ADCY5: variants seen among roughly 807,000 people sequenced by gnomAD.
ADCY5 encodes the protein adenylate cyclase 5, also known as adenylate cyclase type 5.
ADCY5 carries 30 observed loss-of-function variants against 119.7 expected under a neutral mutation model. That is an observed-to-expected ratio of 0.25 (90% CI 0.19 to 0.34). ADCY5 has a LOEUF of 0.34. Ranked by LOEUF, ADCY5 falls within the 10% of genes least tolerant of loss-of-function variation. The pLI, the probability that ADCY5 is intolerant of heterozygous loss-of-function variation, is 1.00. For synonymous variants in ADCY5, 753 were observed against 762.2 expected (o/e 0.99, Z 0.20); for missense variants, 1,324 against 1,775.2 (o/e 0.75, Z 4.57).
intron 1 of ADCY5, among the ~76,000 whole-genome samples, chr3:123,362,661 C>T (rs1454048089): frequency 6.6e-6 from 1 of 152,162 alleles, no homozygotes; most frequent in African/African-American, 2.4e-5. Context: ...TCTAGGACTC[C>T]AGATCTGGTG....
At chr3:123,431,736 C>T (rs548519561) in intron 1 of ADCY5, among the ~76,000 whole-genome samples, 1 of 152,172 alleles carries the variant, frequency 6.6e-6, no homozygotes, top group African/African-American at 2.4e-5. Flanking sequence ...GGTTTTTATA[C>T]CAACCACCAA....
Position 123,330,960 on chromosome 3 carries a change from C to G in ADCY5, c.1575G>C (p.Gly525=), listed in dbSNP as rs1357696194. The G allele has an allele frequency of 6.2e-7, 1 of 1,614,078 alleles. No individual in the cohort carries two copies. Among genetic ancestry groups the G allele is most frequent in the Non-Finnish European group, 8.5e-7 (1 of 1,179,966 alleles). ...CGTGGTCAGCCCTTGCTTCAGGCAG[C>G]CCCGAGACGCAGTAATAACAATCCC... ...ILGDCYYCVS[G]LPEARADHAH... Residue 525 remains glycine (G), a synonymous_variant, in exon 5 of 21, where the codon GGG becomes GGC. Coordinates refer to ENST00000462833, the MANE Select transcript of ADCY5 (RefSeq NM_183357.3).
At chr3:123,422,575 T>C (rs1282600378) in intron 1 of ADCY5, among the ~76,000 whole-genome samples, 1 of 152,138 alleles carries the variant, frequency 6.6e-6, no homozygotes, top group East Asian at 1.9e-4. Context: ...GCACCTACCA[T>C]TAAACCACAC....
At chr3:123,323,102 C>G (rs1284504268) in intron 8 of ADCY5, among the ~76,000 whole-genome samples, 1 of 152,230 alleles carries the variant, frequency 6.6e-6, no homozygotes, top group East Asian at 1.9e-4. Context: ...GGAGTGGGTC[C>G]CAGAGGCTGT....
At position 123,319,722 on chromosome 3, in the gene ADCY5, G is replaced by A. The variant is rs755243569; in HGVS notation, c.2208C>T (p.His736=). ...ARSIDRLRSE[H]VRKFLLTFRE... Reference sequence around the variant, plus strand: ...TGAAGGTCAGGAGGAACTTGCGGACGTGCTCAGACCGAAGCCTATCAATGC... The same window carrying A: ...TGAAGGTCAGGAGGAACTTGCGGACATGCTCAGACCGAAGCCTATCAATGC... Residue 736 remains histidine, a synonymous_variant, in exon 10 of 21, where the codon CAC becomes CAT. Transcript: ENST00000462833. The A allele has an allele frequency of 4.3e-6, 7 of 1,614,122 alleles. No homozygotes were observed. Among genetic ancestry groups the A allele is most frequent in the East Asian group, 2.2e-5 (1 of 44,904 alleles).
At chr3:123,323,721 G>A (rs901791917) in intron 8 of ADCY5, among the ~76,000 whole-genome samples, 28 of 152,018 alleles carry the variant, frequency 1.8e-4, no homozygotes, top group African/African-American at 5.3e-4. Flanking sequence ...GTGCAGTGGC[G>A]TGATCATGGC....
At chr3:123,358,125 C>G (rs1020752947) in intron 1 of ADCY5, among the ~76,000 whole-genome samples, 2 of 151,294 alleles carry the variant, frequency 1.3e-5, no homozygotes, top group Admixed American at 6.6e-5. Context: ...CTGTGCTGGC[C>G]TCACGGGACA....
At chr3:123,376,024 A>G (rs949857633) in intron 1 of ADCY5, among the ~76,000 whole-genome samples, 14 of 150,280 alleles carry the variant, frequency 9.3e-5, no homozygotes, top group Non-Finnish European at 2.1e-4. Context: ...TGTGTGCAGT[A>G]GCCCTGAAAG....
intron 1 of ADCY5, among the ~76,000 whole-genome samples, chr3:123,369,069 T>A (rs35841686): frequency 0.23 from 34,287 of 152,046 alleles, 4,073 homozygotes; most frequent in Admixed American, 0.29. Context: ...AATCCTCAAA[T>A]TCACAGGTCA....
At chr3:123,309,374 C>T (rs1029002097) in intron 12 of ADCY5, among the ~76,000 whole-genome samples, 26 of 152,332 alleles carry the variant, frequency 1.7e-4, no homozygotes, top group Non-Finnish European at 3.2e-4. Flanking sequence ...CACGCCAGTG[C>T]TCTCATCACT....
chr3:123,308,761 G>A (rs1026055815), intron 12 of ADCY5, among the ~76,000 whole-genome samples: 16 of 152,262 alleles, frequency 1.1e-4, no homozygotes, highest in African/African-American at 3.9e-4. Context: ...CCCGGGAGGC[G>A]GAGCTTGCAG....
intron 7 of ADCY5, among the ~76,000 whole-genome samples, chr3:123,326,299 A>ATCTG (rs375570863): frequency 6.6e-6 from 1 of 152,194 alleles, no homozygotes; most frequent in Admixed American, 6.5e-5. Flanking sequence ...GATCTCATCT[A>ATCTG]TCTGTCTGTC....
At chr3:123,436,034 G>A (rs919476055) in intron 1 of ADCY5, among the ~76,000 whole-genome samples, 1 of 151,144 alleles carries the variant, frequency 6.6e-6, no homozygotes, top group African/African-American at 2.4e-5. Context: ...GGGACTACAG[G>A]TGCGTGCCAC....
At chr3:123,328,048 T>C (rs548280639) in intron 6 of ADCY5, among the ~76,000 whole-genome samples, 1 of 152,248 alleles carries the variant, frequency 6.6e-6, no homozygotes, top group South Asian at 2.1e-4. Context: ...TTTGCAAGCC[T>C]CTCACTCCTG....
At chr3:123,371,091 C>T (rs918658694) in intron 1 of ADCY5, among the ~76,000 whole-genome samples, 5 of 152,270 alleles carry the variant, frequency 3.3e-5, no homozygotes, top group South Asian at 2.1e-4. Context: ...AGACTCTGCA[C>T]GGTAACAAAC....
Position 123,327,679 on chromosome 3 carries a change from T to C in ADCY5, c.1886A>G (p.Asn629Ser), listed in dbSNP as rs1465841276. The change falls in exon 7 of 21, where the codon AAC (asparagine) becomes AGC (serine). Residue 629 changes from asparagine (N) to serine (S), a missense_variant. Asn to Ser is a conservative substitution (Grantham distance 46). Around this residue, in one of 6 missense-constraint regions of ADCY5, gnomAD observed 424 missense variants for 546.8 expected, o/e 0.78. Coordinates refer to ENST00000462833, the MANE Select transcript of ADCY5 (RefSeq NM_183357.3). The stretch of plus-strand genomic sequence containing the variant: ...GATACTGTGCTCCTTGAGGTAGGCG[T>C]TGCGCTCGCCCCCACAGCCTGGCTC... ...EVEPGCGGER[N>S]AYLKEHSIET... is the part of the protein sequence containing the mutation. 1 of 1,614,068 alleles carries C rather than the reference T, an allele frequency of 6.2e-7. No homozygotes were observed. Among genetic ancestry groups the C allele is most frequent in the Admixed American group, 1.7e-5 (1 of 59,994 alleles).
At chr3:123,296,726 ATAT>A (rs1368216503) in intron 16 of ADCY5, among the ~76,000 whole-genome samples, 2 of 152,232 alleles carry the variant, frequency 1.3e-5, no homozygotes, top group Non-Finnish European at 2.9e-5. Flanking sequence ...GATTAAAGAG[ATAT>A]TATAAACAAA....
At chr3:123,415,638 CAG>C (rs1304350340) in intron 1 of ADCY5, among the ~76,000 whole-genome samples, 1 of 152,168 alleles carries the variant, frequency 6.6e-6, no homozygotes, top group Non-Finnish European at 1.5e-5. Context: ...GAGCTCCAAC[CAG>C]AGAGAAGGCA....
intron 19 of ADCY5, among the ~76,000 whole-genome samples, chr3:123,287,446 T>C (rs1938854822): frequency 1.3e-5 from 2 of 152,232 alleles, no homozygotes; most frequent in Admixed American, 6.5e-5. Flanking sequence ...CCCATGTATC[T>C]GGCTCAACTG....
Sources: allele counts gnomAD v4.1 joint callset (sites outside exome capture counted in the v4.1 genomes callset), GRCh38; gene constraint gnomAD v4.1.1; regional missense constraint gnomAD v4.1.1; transcripts MANE v1.5; gene names NCBI Gene and HGNC (gene_info 2026-07-23, HGNC 2026-07-21).